WDPCP: variants seen among roughly 807,000 people sequenced by gnomAD.
The protein encoded by WDPCP is WD repeat-containing and planar cell polarity effector protein fritz homolog.
WDPCP carries 71 observed loss-of-function variants against 93.1 expected under a neutral mutation model. The observed-to-expected ratio is 0.76, with a 90% CI of 0.63 to 0.93. The LOEUF is 0.93. WDPCP is among the 40% of genes least tolerant of loss of function. The probability of loss-of-function intolerance (pLI) is 0.00; values close to 1 mark genes in which losing one functional copy is unlikely to be tolerated. For synonymous variants in WDPCP, 315 were observed against 315.0 expected (o/e 1.00, Z 0.00); for missense variants, 844 against 887.4 (o/e 0.95, Z 0.62).
chr2:63,637,333 C>G (rs370516322), intron 3 of WDPCP, among the ~76,000 whole-genome samples: 1 of 142,966 alleles, frequency 7.0e-6, no homozygotes, highest in African/African-American at 2.6e-5. Context: ...GCCTAGGTGA[C>G]AGAGAAAGAC....
intron 2 of WDPCP, among the ~76,000 whole-genome samples, chr2:63,711,922 C>A (rs1354300312): frequency 6.6e-6 from 1 of 152,176 alleles, no homozygotes; most frequent in Non-Finnish European, 1.5e-5. Flanking sequence ...AACTCCCTTG[C>A]TACTGCTGCT....
chr2:63,756,540 G>A (rs998093788), intron 2 of WDPCP, among the ~76,000 whole-genome samples: 1 of 152,148 alleles, frequency 6.6e-6, no homozygotes, highest in Non-Finnish European at 1.5e-5. Context: ...AGGAGCAGCT[G>A]TGTGGGAGTA....
At chr2:63,170,212 T>C (rs1489445774) in intron 15 of WDPCP, among the ~76,000 whole-genome samples, 4 of 151,752 alleles carry the variant, frequency 2.6e-5, no homozygotes, top group Non-Finnish European at 5.9e-5. Context: ...TGGTGTCTTC[T>C]TCCATCCCTC....
intron 1 of WDPCP, among the ~76,000 whole-genome samples, chr2:63,823,133 C>T (rs1671048263): frequency 6.7e-6 from 1 of 149,540 alleles, no homozygotes; most frequent in African/African-American, 2.5e-5. Flanking sequence ...AATTTCAAGC[C>T]TACTTTACTG....
At chr2:63,504,964 A>C (rs1387175919) in intron 1 of WDPCP, among the ~76,000 whole-genome samples, 1 of 152,032 alleles carries the variant, frequency 6.6e-6, no homozygotes, top group Non-Finnish European at 1.5e-5. Flanking sequence ...TTTATGGCCG[A>C]TTGGTCAATA....
intron 12 of WDPCP, among the ~76,000 whole-genome samples, chr2:63,352,722 CT>C (rs1461340044): frequency 6.6e-6 from 1 of 152,174 alleles, no homozygotes; most frequent in Non-Finnish European, 1.5e-5. Context: ...AGCATATGAT[CT>C]TGGTGCCAGA....
At chr2:63,341,407 G>A (rs1688831007) in intron 12 of WDPCP, among the ~76,000 whole-genome samples, 1 of 152,230 alleles carries the variant, frequency 6.6e-6, no homozygotes, top group Non-Finnish European at 1.5e-5. Context: ...GGGATTACAG[G>A]CGTGAGCCAC....
At chr2:63,395,863 G>A (rs553641485) in intron 10 of WDPCP, among the ~76,000 whole-genome samples, 18 of 152,084 alleles carry the variant, frequency 1.2e-4, no homozygotes, top group Non-Finnish European at 2.2e-4. Flanking sequence ...GAGTAGCTGG[G>A]ATTACAGGTA....
intron 12 of WDPCP, among the ~76,000 whole-genome samples, chr2:63,349,461 T>C (rs1689426632): frequency 6.6e-6 from 1 of 152,152 alleles, no homozygotes; most frequent in South Asian, 2.1e-4. Flanking sequence ...CTCATGACTA[T>C]TTTGTACCTC....
At chr2:63,310,689 A>C (rs1262889432) in intron 13 of WDPCP, among the ~76,000 whole-genome samples, 1 of 116,602 alleles carries the variant, frequency 8.6e-6, no homozygotes, top group African/African-American at 3.2e-5. Context: ...GCTTGTAAAA[A>C]GTCTAAAATA....
At chr2:63,469,745 G>A (rs1699583939) in intron 6 of WDPCP, among the ~76,000 whole-genome samples, 2 of 152,008 alleles carry the variant, frequency 1.3e-5, no homozygotes, top group Non-Finnish European at 2.9e-5. Flanking sequence ...ATCACTACTG[G>A]GTACTCAGCT....
At chr2:63,632,774 AAGAG>A (rs1491342979) in intron 3 of WDPCP, among the ~76,000 whole-genome samples, 1 of 152,016 alleles carries the variant, frequency 6.6e-6, no homozygotes, top group East Asian at 1.9e-4. Context: ...GCAGAAGGAG[AAGAG>A]AGAGAGAGCA....
intron 14 of WDPCP, among the ~76,000 whole-genome samples, chr2:63,227,039 G>A (rs1359923497): frequency 4.6e-5 from 7 of 151,900 alleles, no homozygotes; most frequent in Admixed American, 4.6e-4. Flanking sequence ...AAAATAAAGT[G>A]AGGCTCTCAG....
chr2:63,515,456 T>C (rs1395925656), intron 1 of WDPCP, among the ~76,000 whole-genome samples: 2 of 152,220 alleles, frequency 1.3e-5, no homozygotes, highest in Admixed American at 6.5e-5. Context: ...TGAATGCTGT[T>C]ACAAAGAAAT....
intron 9 of WDPCP, among the ~76,000 whole-genome samples, chr2:63,423,990 G>T (rs1014587102): frequency 6.6e-6 from 1 of 152,068 alleles, no homozygotes; most frequent in African/African-American, 2.4e-5. Flanking sequence ...TAGACACGAA[G>T]CTGAAGATGG....
intron 14 of WDPCP, 31 bp from the exon 15 acceptor site, chr2:63,174,863 T>G: frequency 6.2e-7 from 1 of 1,602,828 alleles, no homozygotes; most frequent in Non-Finnish European, 8.5e-7. Flanking sequence ...GTGAGTGAAA[T>G]ACTAAGTACA....
At chr2:63,414,666 A>G (rs1166998912) in intron 9 of WDPCP, among the ~76,000 whole-genome samples, 1 of 152,176 alleles carries the variant, frequency 6.6e-6, no homozygotes, top group Non-Finnish European at 1.5e-5. Flanking sequence ...GATATGTGGG[A>G]GCTAAGTTAT....
At chr2:63,150,792 A>G (rs1295377142) in intron 17 of WDPCP, among the ~76,000 whole-genome samples, 1 of 152,246 alleles carries the variant, frequency 6.6e-6, no homozygotes, top group East Asian at 1.9e-4. Context: ...TAAGAGAAAT[A>G]TGTTGAAAAA....
intron 15 of WDPCP, among the ~76,000 whole-genome samples, chr2:63,170,383 C>A (rs1181845951): frequency 1.3e-5 from 2 of 151,948 alleles, no homozygotes; most frequent in Non-Finnish European, 2.9e-5. Context: ...AGCAATTCCC[C>A]TGCCTCAGCC....
Sources: gnomAD v4.1 joint callset for allele counts (sites outside exome capture counted in the v4.1 genomes callset) on GRCh38, gnomAD v4.1.1 for gene constraint, MANE v1.5 for transcripts, NCBI Gene and HGNC (gene_info 2026-07-23, HGNC 2026-07-21) for gene names.